Variants in GUSB observed in about 807,000 individuals in gnomAD.
The protein encoded by GUSB is glucuronidase beta.
A neutral mutation model predicts 74.6 loss-of-function variants in GUSB; 51 were observed. That is an observed-to-expected ratio of 0.68 (90% CI 0.55 to 0.86). The LOEUF is 0.86. GUSB is among the 40% of genes least tolerant of loss of function. GUSB has a pLI of 0.00. For synonymous variants in GUSB, 360 were observed against 348.3 expected (o/e 1.03, Z -0.37); for missense variants, 736 against 853.7 (o/e 0.86, Z 1.72).
At chr7:65,978,606 A>G (rs1562692848) in intron 4 of GUSB, among the ~76,000 whole-genome samples, 1 of 149,218 alleles carries the variant, frequency 6.7e-6, no homozygotes, top group Non-Finnish European at 1.5e-5. Context: ...TGTCTCTACT[A>G]AAAAAAAATA....
chr7:65,963,024 A>G (rs1790602114), intron 11 of GUSB, among the ~76,000 whole-genome samples: 2 of 151,796 alleles, frequency 1.3e-5, no homozygotes, highest in African/African-American at 4.8e-5. Flanking sequence ...ACACCCGGCT[A>G]ATTTTGTATT....
chr7:65,976,377 G>A, intron 4 of GUSB, among the ~76,000 whole-genome samples, 175 bp from the exon 5 acceptor site: 1 of 151,822 alleles, frequency 6.6e-6, no homozygotes, highest in Non-Finnish European at 1.5e-5. Flanking sequence ...CCAGGCTGGA[G>A]TGCAGTGGCA....
chr7:65,980,653 G>A (rs1791947788), intron 1 of GUSB: 2 of 544,570 alleles, frequency 3.7e-6, no homozygotes, highest in East Asian at 3.2e-5. Flanking sequence ...ACAGGAGCAA[G>A]CCCAGGGCCA....
chr7:65,973,422 G>C (rs981638842), intron 8 of GUSB, among the ~76,000 whole-genome samples: 1 of 152,162 alleles, frequency 6.6e-6, no homozygotes. Context: ...CCCCGTCTCT[G>C]CTAAAAATAC....
chr7:65,972,218 A>G (rs1294048298), intron 8 of GUSB, among the ~76,000 whole-genome samples: 4 of 151,662 alleles, frequency 2.6e-5, no homozygotes, highest in African/African-American at 4.8e-5. Flanking sequence ...CTGGAGTGCA[A>G]TGACATGATC....
intron 1 of GUSB, 123 bp downstream of exon 1, chr7:65,981,851 C>T: frequency 2.2e-6 from 2 of 902,594 alleles, no homozygotes; most frequent in East Asian, 2.7e-5. Flanking sequence ...GCCCGTTGAC[C>T]TTTAACCTCC....
chr7:65,972,905 G>T (rs1313656951), intron 8 of GUSB, among the ~76,000 whole-genome samples: 3 of 152,198 alleles, frequency 2.0e-5, no homozygotes, highest in Non-Finnish European at 4.4e-5. Context: ...CTGCAGACTT[G>T]GCTCAGCCCA....
rs180736724 is a variant in GUSB at position 65,969,508 on chromosome 7, G to C, written c.1476+774C>G. Among the ~76,000 whole-genome samples the C allele has an allele frequency of 2.8e-3, 428 of 152,212 alleles. 1 individual carries two copies. Among genetic ancestry groups the C allele is most frequent in the Non-Finnish European group, 5.2e-3 (352 of 68,018 alleles). Reference sequence around the variant, plus strand: ...GCTCAAGACTTTGAGACCAGCCTGGGCAACATAGAGAGATGCCACCTCTAC... The same window carrying C: ...GCTCAAGACTTTGAGACCAGCCTGGCCAACATAGAGAGATGCCACCTCTAC... On this transcript the variant is annotated intron_variant, in intron 9 of 11. Transcript: ENST00000304895.
chr7:65,965,475 T>A (rs1309672507), intron 10 of GUSB, among the ~76,000 whole-genome samples: 1 of 152,214 alleles, frequency 6.6e-6, no homozygotes, highest in Non-Finnish European at 1.5e-5. Context: ...CATGTGTAGC[T>A]AGTGTGTACC....
chr7:65,968,546 G>A (rs907290720), intron 9 of GUSB, among the ~76,000 whole-genome samples: 5 of 152,148 alleles, frequency 3.3e-5, no homozygotes, highest in Admixed American at 1.3e-4. Context: ...CTGGAGAAGC[G>A]CTGCCACCCG....
rs555399009 is a variant in GUSB at position 65,973,587 on chromosome 7, TAAAAAGGA to T, written c.1391+700_1391+707del. ...GGCCACGGAGTGAGACTCCATCTCATAAAAAGGAAAAAAGGAAAACTTAGCTGGGCGTG... is the reference window on the plus strand; with the variant it reads ...GGCCACGGAGTGAGACTCCATCTCATAAAAAGGAAAACTTAGCTGGGCGTG... On this transcript the variant is annotated intron_variant, in intron 8 of 11. Transcript: ENST00000304895. 3.5e-4 allele frequency among the ~76,000 whole-genome samples: 53 copies of T among 149,384 alleles called. No homozygotes were observed. In the South Asian group the frequency reaches 0.011, roughly 31 times the overall value.
At chr7:65,963,712 ATC>A (rs1790651753) in intron 11 of GUSB, among the ~76,000 whole-genome samples, 1 of 152,038 alleles carries the variant, frequency 6.6e-6, no homozygotes, top group Admixed American at 6.6e-5. Flanking sequence ...CGCCTAGCTA[ATC>A]TGTTTATTTT....
intron 9 of GUSB, 66 bp from the exon 10 acceptor site, chr7:65,967,973 G>A: frequency 7.5e-7 from 1 of 1,331,722 alleles, no homozygotes; most frequent in Non-Finnish European, 1.1e-6. Context: ...TTCACACACT[G>A]CGGGGGCTCC....
intron 11 of GUSB, among the ~76,000 whole-genome samples, chr7:65,962,346 C>T (rs1294374904): frequency 6.6e-6 from 1 of 152,206 alleles, no homozygotes; most frequent in African/African-American, 2.4e-5. Flanking sequence ...AGGACATTCT[C>T]TGTCCCCAGT....
intron 10 of GUSB, among the ~76,000 whole-genome samples, chr7:65,964,985 C>T (rs1790738579): frequency 6.6e-6 from 1 of 152,086 alleles, no homozygotes; most frequent in African/African-American, 2.4e-5. Flanking sequence ...TGGAGGACTG[C>T]TTGAGCCCCA....
chr7:65,964,546 C>T (rs1790708300), intron 10 of GUSB, 88 bp from the exon 11 acceptor site: 12 of 1,232,784 alleles, frequency 9.7e-6, no homozygotes, highest in Non-Finnish European at 1.3e-5. Flanking sequence ...TGATGGTGAC[C>T]AAAATATCTG....
chr7:65,963,752 A>C (rs1359824512), intron 11 of GUSB, among the ~76,000 whole-genome samples: 1 of 152,034 alleles, frequency 6.6e-6, no homozygotes, highest in East Asian at 1.9e-4. Context: ...TGCTATGCTG[A>C]ACAGGCTGGT....
Position 65,976,029 on chromosome 7 carries a change from G to A in GUSB, c.898C>T (p.Leu300=). 1 of 1,613,664 alleles carries A rather than the reference G, an allele frequency of 6.2e-7. No homozygotes were observed. Among genetic ancestry groups the A allele is most frequent in the Non-Finnish European group, 8.5e-7 (1 of 1,179,958 alleles). Residue 300 remains leucine, a synonymous_variant, in exon 5 of 12, where the codon CTG becomes TTG. Coordinates refer to ENST00000304895, the MANE Select transcript of GUSB (RefSeq NM_000181.4). The part of the protein sequence containing the change: ...PYLMHERPAY[L]YSLEVQLTAQ... ...ACCACCATTACCTCCAATGAATACA[G>A]ATAGGCAGGGCGTTCGTGCATCAGG...
chr7:65,962,870 CAA>C (rs143099285), intron 11 of GUSB, among the ~76,000 whole-genome samples: 48,173 of 143,336 alleles, frequency 0.34, 8,681 homozygotes, highest in East Asian at 0.47. Flanking sequence ...AACTCCGTCT[CAA>C]AAAAAAAAAA....
Sources: gnomAD v4.1 joint callset for allele counts (sites outside exome capture counted in the v4.1 genomes callset) on GRCh38, gnomAD v4.1.1 for gene constraint, MANE v1.5 for transcripts, NCBI Gene and HGNC (gene_info 2026-07-23, HGNC 2026-07-21) for gene names.